KSR2: variants seen among roughly 807,000 people sequenced by gnomAD.
The protein encoded by KSR2 is kinase suppressor of ras 2.
In KSR2, 25 loss-of-function variants were observed where a neutral mutation model predicts 107.8. That is an observed-to-expected ratio of 0.23 (90% CI 0.17 to 0.32). KSR2 has a LOEUF of 0.32. Ranked by LOEUF, KSR2 falls within the 10% of genes least tolerant of loss-of-function variation. The pLI is 1.00. For synonymous variants in KSR2, 480 were observed against 507.0 expected (o/e 0.95, Z 0.71); for missense variants, 887 against 1,268.9 (o/e 0.70, Z 4.57).
intron 5 of KSR2, among the ~76,000 whole-genome samples, chr12:117,589,937 GAA>G (rs1880223900): frequency 6.6e-6 from 1 of 152,166 alleles, no homozygotes; most frequent in Non-Finnish European, 1.5e-5. Context: ...GGCTTCCCTG[GAA>G]TCCCTTGAAA....
Position 117,857,469 on chromosome 12 carries a change from A to G in KSR2, c.322-1891T>C, listed in dbSNP as rs1026278318. On this transcript the variant is annotated intron_variant, in intron 2 of 19. Transcript: ENST00000339824. Reference sequence around the variant, plus strand: ...CTTGTGCATTTTAATCTTATGATTTATATATGTATATATTTCAATTTACTC... The same window carrying G: ...CTTGTGCATTTTAATCTTATGATTTGTATATGTATATATTTCAATTTACTC... Among the ~76,000 whole-genome samples the G allele has an allele frequency of 4.6e-4, 70 of 152,210 alleles. 1 individual carries two copies. Among genetic ancestry groups the G allele is most frequent in the Non-Finnish European group, 8.5e-4 (58 of 68,042 alleles).
At chr12:117,474,587 CA>C (rs1240181052) in intron 17 of KSR2, among the ~76,000 whole-genome samples, 3 of 152,032 alleles carry the variant, frequency 2.0e-5, no homozygotes, top group African/African-American at 7.3e-5. Flanking sequence ...CACATGTGGA[CA>C]AGGTTAGGCA....
intron 4 of KSR2, among the ~76,000 whole-genome samples, chr12:117,669,752 C>T (rs1428404118): frequency 6.6e-6 from 1 of 151,946 alleles, no homozygotes; most frequent in African/African-American, 2.4e-5. Context: ...CCTGCAGTCC[C>T]AGCTACTCAG....
chr12:117,752,988 C>A (rs1888660956), intron 4 of KSR2, among the ~76,000 whole-genome samples: 1 of 152,200 alleles, frequency 6.6e-6, no homozygotes, highest in Non-Finnish European at 1.5e-5. Context: ...TCCCTGAGAT[C>A]ATTCCCTCTT....
chr12:117,779,865 AACAG>A (rs1443904863), intron 3 of KSR2, among the ~76,000 whole-genome samples: 1 of 152,166 alleles, frequency 6.6e-6, no homozygotes, highest in Admixed American at 6.5e-5. Flanking sequence ...GTGGTGTGAA[AACAG>A]ACAAACACAC....
intron 3 of KSR2, among the ~76,000 whole-genome samples, chr12:117,804,158 C>T (rs768194264): frequency 6.6e-5 from 10 of 152,172 alleles, no homozygotes; most frequent in Admixed American, 1.3e-4. Flanking sequence ...ATTCTCCTGC[C>T]TCGGCCTCCG....
At chr12:117,803,052 A>C (rs997975090) in intron 3 of KSR2, among the ~76,000 whole-genome samples, 1 of 152,186 alleles carries the variant, frequency 6.6e-6, no homozygotes, top group South Asian at 2.1e-4. Context: ...ATTAATTCAC[A>C]AAAAAATATT....
At chr12:117,573,840 G>A (rs569054961) in intron 7 of KSR2, among the ~76,000 whole-genome samples, 9 of 152,076 alleles carry the variant, frequency 5.9e-5, no homozygotes, top group East Asian at 3.9e-4. Context: ...CTAATCACAC[G>A]TTATCATTTG....
At position 117,600,464 on chromosome 12, in the gene KSR2, C is replaced by T. The variant is rs1045010758; in HGVS notation, c.1172-18105G>A. 1.2e-4 allele frequency among the ~76,000 whole-genome samples: 19 copies of T among 152,158 alleles called. 1 individual carries two copies. The highest frequency in any genetic ancestry group is 2.2e-4 in the Non-Finnish European group (15 of 68,014). On this transcript the variant is annotated intron_variant, in intron 5 of 19. Transcript: ENST00000339824. ...GAATGCGTCCCTGGACCACGCCCTC[C>T]GTCTCCTTTACCTGGCGTTCCTATT...
At chr12:117,536,092 C>A (rs1402174899) in intron 10 of KSR2, among the ~76,000 whole-genome samples, 1 of 152,194 alleles carries the variant, frequency 6.6e-6, no homozygotes, top group South Asian at 2.1e-4. Flanking sequence ...CTTTTCACCA[C>A]ATGTCCTGAG....
At chr12:117,567,596 C>T (rs1225620036) in intron 7 of KSR2, among the ~76,000 whole-genome samples, 3 of 151,816 alleles carry the variant, frequency 2.0e-5, no homozygotes, top group Non-Finnish European at 4.4e-5. Context: ...TCATTATCTT[C>T]CCTACTCTCT....
intron 3 of KSR2, among the ~76,000 whole-genome samples, chr12:117,764,616 G>C (rs1369412633): frequency 6.6e-6 from 1 of 152,124 alleles, no homozygotes; most frequent in Non-Finnish European, 1.5e-5. Context: ...TCCCAGGCTT[G>C]CCAGAAGAAC....
intron 2 of KSR2, among the ~76,000 whole-genome samples, chr12:117,857,910 C>G (rs1026350257): frequency 2.0e-5 from 3 of 152,210 alleles, no homozygotes; most frequent in Non-Finnish European, 4.4e-5. Context: ...AGAAACCCCA[C>G]GTCTTCTCCC....
chr12:117,714,778 A>G (rs1215894482), intron 4 of KSR2, among the ~76,000 whole-genome samples: 1 of 152,222 alleles, frequency 6.6e-6, no homozygotes, highest in East Asian at 1.9e-4. Flanking sequence ...ACTTGGGGGC[A>G]GGAGTGCAAC....
intron 3 of KSR2, among the ~76,000 whole-genome samples, chr12:117,809,356 G>A (rs1176867360): frequency 6.6e-6 from 1 of 151,926 alleles, no homozygotes; most frequent in Admixed American, 6.6e-5. Flanking sequence ...AGGATGTTAG[G>A]CAGCATCCCT....
chr12:117,488,250 T>C (rs1872574933), intron 14 of KSR2, among the ~76,000 whole-genome samples: 1 of 152,156 alleles, frequency 6.6e-6, no homozygotes, highest in African/African-American at 2.4e-5. Context: ...AGGTCTTTAT[T>C]AGCAGCGTGA....
chr12:117,746,120 C>T (rs1593194028), intron 4 of KSR2, among the ~76,000 whole-genome samples: 1 of 152,200 alleles, frequency 6.6e-6, no homozygotes, highest in Non-Finnish European at 1.5e-5. Context: ...GCCCTTATAG[C>T]CAAGACAATC....
At chr12:117,815,072 T>C (rs2137060245) in intron 3 of KSR2, among the ~76,000 whole-genome samples, 1 of 152,316 alleles carries the variant, frequency 6.6e-6, no homozygotes, top group East Asian at 1.9e-4. Flanking sequence ...AAAGGCTCAT[T>C]GAAAGGTCAG....
rs912662829 is a variant in KSR2, at chr12:117,500,547, C to T, written c.2220-14856G>A. On this transcript the variant is annotated intron_variant, in intron 14 of 19. Transcript: ENST00000339824. ...GGTCATGTAGCTAAGATATATGAGA[C>T]AGAACTGGCATTCTACCCTAATTCT... is the stretch of plus-strand genomic sequence containing the variant. 2.0e-4 allele frequency among the ~76,000 whole-genome samples: 30 copies of T among 152,150 alleles called. 1 individual carries two copies. Among genetic ancestry groups the T allele is most frequent in the African/African-American group, 7.2e-4 (30 of 41,438 alleles).
Sources: gnomAD v4.1 joint callset for allele counts (sites outside exome capture counted in the v4.1 genomes callset) on GRCh38, gnomAD v4.1.1 for gene constraint, MANE v1.5 for transcripts, NCBI Gene and HGNC (gene_info 2026-07-23, HGNC 2026-07-21) for gene names.